Variants in PTPN12 observed in about 807,000 individuals in gnomAD.
PTPN12 encodes protein tyrosine phosphatase non-receptor type 12.
A neutral mutation model predicts 97.6 loss-of-function variants in PTPN12; 29 were observed. The observed-to-expected ratio is 0.30, with a 90% CI of 0.22 to 0.41. The LOEUF (loss-of-function observed/expected upper bound fraction) is 0.41. Ranked by LOEUF, PTPN12 falls within the 10% of genes least tolerant of loss-of-function variation. The probability of loss-of-function intolerance (pLI) is 1.00; values close to 1 mark genes in which losing one functional copy is unlikely to be tolerated. For missense variants in PTPN12, 819 were observed against 926.0 expected (o/e 0.88, Z 1.50); for synonymous variants, 327 against 300.4 (o/e 1.09, Z -0.91).
In PTPN12 at chr7:77,637,106, C is replaced by CAAAAT. The variant is rs1156452544; in HGVS notation, c.2173+61_2173+65dup. The CAAAAT allele has an allele frequency of 4.5e-5, 60 of 1,331,740 alleles. No individual in the cohort carries two copies. In the East Asian group the frequency reaches 1.4e-3, roughly 31 times the overall value. The allele number at this position is 1,331,740 out of a possible 1,614,324, so 82.5% of individuals were successfully genotyped here. On this transcript the variant is annotated intron_variant, in intron 16 of 17. Transcript: ENST00000248594. ...TGTAGATTTTATTGATTAATTTCTA[C>CAAAAT]AAAATAACATGCTTCATAGTTCATG...
chr7:77,577,252 G>C (rs1259139162), intron 2 of PTPN12, among the ~76,000 whole-genome samples: 2 of 152,122 alleles, frequency 1.3e-5, no homozygotes, highest in Non-Finnish European at 2.9e-5. Context: ...GGCAGCCCCA[G>C]TTTCAAATGT....
At chr7:77,604,135 G>A (rs572897520) in intron 8 of PTPN12, among the ~76,000 whole-genome samples, 16 of 147,452 alleles carry the variant, frequency 1.1e-4, no homozygotes, top group African/African-American at 3.3e-4. Flanking sequence ...TGATCTGCCC[G>A]CCTCCACCTC....
chr7:77,631,767 T>C (rs73370383), intron 13 of PTPN12, among the ~76,000 whole-genome samples: 1 of 152,246 alleles, frequency 6.6e-6, no homozygotes, highest in Non-Finnish European at 1.5e-5. Context: ...GAAGATTTTT[T>C]AAAAAACTTT....
chr7:77,607,947 G>A (rs753345434), intron 9 of PTPN12, among the ~76,000 whole-genome samples: 7 of 152,060 alleles, frequency 4.6e-5, no homozygotes, highest in Admixed American at 2.0e-4. Context: ...TACAGACAGG[G>A]TTTCACCATG....
Position 77,627,515 on chromosome 7 carries a change from C to T in PTPN12, c.1836C>T (p.Asn612=), listed in dbSNP as rs1182310923. ...ATGACTCAGACTCAGATGAAAGAAA[C>T]TCTGATGGTGCTGTGACCCAGAATA... is the stretch of plus-strand genomic sequence containing the variant. ...HSDDSDSDER[N]SDGAVTQNKT... is the part of the protein sequence containing the mutation. The change falls in exon 13 of 18, where the codon AAC becomes AAT. Residue 612 remains asparagine (N), a synonymous_variant. Coordinates refer to ENST00000248594, the MANE Select transcript of PTPN12 (RefSeq NM_002835.4). The T allele has an allele frequency of 1.9e-6, 3 of 1,614,064 alleles. No homozygotes were observed. The highest frequency in any genetic ancestry group is 3.3e-4 in the Middle Eastern group (2 of 6,060).
intron 4 of PTPN12, chr7:77,585,024 A>G (rs1322537400): frequency 6.6e-6 from 1 of 152,314 alleles, no homozygotes; most frequent in Non-Finnish European, 1.5e-5. Context: ...GTGATAAAAC[A>G]TGGTGAAATG....
intron 4 of PTPN12, 182 bp from the exon 5 acceptor site, chr7:77,585,361 C>T: frequency 3.9e-6 from 2 of 512,624 alleles, no homozygotes; most frequent in Non-Finnish European, 6.9e-6. Context: ...ATAGTTAGCC[C>T]TTGTTTGGAA....
intron 11 of PTPN12, 146 bp downstream of exon 11, chr7:77,611,192 T>G (rs1788557307): frequency 1.6e-6 from 1 of 614,758 alleles, no homozygotes; most frequent in Non-Finnish European, 2.9e-6. Context: ...CTCATTTCCT[T>G]CTTATTCGTA....
chr7:77,582,093 T>G (rs1336190757), intron 3 of PTPN12, among the ~76,000 whole-genome samples: 1 of 122,522 alleles, frequency 8.2e-6, no homozygotes, highest in East Asian at 2.3e-4. Context: ...TCTTTTTTTT[T>G]TTTTTTTTTT....
intron 1 of PTPN12, among the ~76,000 whole-genome samples, chr7:77,540,520 A>G (rs960046434): frequency 9.9e-5 from 15 of 151,902 alleles, no homozygotes; most frequent in Non-Finnish European, 2.9e-5. Context: ...CTAGGATTAC[A>G]GGCATGAGCC....
At chr7:77,598,063 A>C (rs527668413) in intron 7 of PTPN12, among the ~76,000 whole-genome samples, 162 bp downstream of exon 7, 1 of 152,174 alleles carries the variant, frequency 6.6e-6, no homozygotes, top group East Asian at 1.9e-4. Flanking sequence ...TCTTGTGTCT[A>C]CAAAAAGAAA....
At chr7:77,584,559 A>G (rs1221166036) in intron 4 of PTPN12, among the ~76,000 whole-genome samples, 1 of 152,146 alleles carries the variant, frequency 6.6e-6, no homozygotes, top group Non-Finnish European at 1.5e-5. Context: ...CTCAAGGGAA[A>G]AATACTGGAA....
chr7:77,613,486 T>C (rs1788644110), intron 11 of PTPN12, among the ~76,000 whole-genome samples: 2 of 151,956 alleles, frequency 1.3e-5, no homozygotes, highest in Admixed American at 1.3e-4. Flanking sequence ...CTTTAAACTT[T>C]AATTGAAAAG....
chr7:77,588,518 A>G (rs1787764778), intron 5 of PTPN12, among the ~76,000 whole-genome samples: 1 of 152,214 alleles, frequency 6.6e-6, no homozygotes, highest in African/African-American at 2.4e-5. Context: ...CATCATAATG[A>G]AAAAGTTTGG....
In PTPN12 at chr7:77,607,169, A is replaced by T. The variant is rs532708247; in HGVS notation, c.696-66A>T. 5.5e-5 allele frequency: 69 copies of T among 1,244,996 alleles called. 1 individual carries two copies. The African/African-American group carries it at 8.3e-4, about 15-fold the overall frequency. 77.1% of individuals were successfully genotyped at this position (1,244,996 alleles called of 1,614,324 possible). ...TTTGTTTCTGAATATTAACATGTCT[A>T]TCCACATTTATTTTATAGTTGTTTT... On this transcript the variant is annotated intron_variant, in intron 8 of 17. Transcript: ENST00000248594.
rs567422147 is a variant in PTPN12, at chr7:77,590,646, C to T, written c.421-1539C>T. Among the ~76,000 whole-genome samples the T allele has an allele frequency of 4.0e-5, 6 of 151,786 alleles. No homozygotes were observed. In the South Asian group the frequency reaches 1.0e-3, roughly 26 times the overall value. ...CACAATCTCAGCTCTTTGCAACCTG[C>T]ATCTCCCAGGTTCAAACGATTCTCA... On this transcript the variant is annotated intron_variant, in intron 5 of 17. Coordinates refer to ENST00000248594, the MANE Select transcript of PTPN12 (RefSeq NM_002835.4).
intron 2 of PTPN12, among the ~76,000 whole-genome samples, chr7:77,573,114 C>CAAAA (rs1562720949): frequency 9.1e-6 from 1 of 110,074 alleles, no homozygotes; most frequent in Non-Finnish European, 1.8e-5. Flanking sequence ...ACAAAAAAAA[C>CAAAA]CAGTGTACCT....
chr7:77,601,063 T>A, intron 8 of PTPN12: 2 of 340,714 alleles, frequency 5.9e-6, no homozygotes, highest in Non-Finnish European at 1.1e-5. Context: ...CTCTTTTTAC[T>A]GTTCACTGAT....
Position 77,619,070 on chromosome 7 carries a change from A to G in PTPN12, c.1025+505A>G, listed in dbSNP as rs545321734. On this transcript the variant is annotated intron_variant, in intron 12 of 17. Transcript: ENST00000248594. ...TCAGGGTAGCTGCTTAGTCAGTAAC[A>G]TGGTAGTATGGAGAGAATACAGAGG... Among the ~76,000 whole-genome samples, 19 of 152,248 alleles carry G rather than the reference A, an allele frequency of 1.2e-4. No individual in the cohort carries two copies. In the South Asian group the frequency reaches 2.7e-3, roughly 22 times the overall value.
Sources: allele counts gnomAD v4.1 joint callset (sites outside exome capture counted in the v4.1 genomes callset), GRCh38; gene constraint gnomAD v4.1.1; transcripts MANE v1.5; gene names NCBI Gene and HGNC (gene_info 2026-07-23, HGNC 2026-07-21).